The following EPHB6 variants were observed in gnomAD, a reference collection of about 807,000 sequenced individuals.
EPHB6 encodes the protein EPH receptor B6.
Under a neutral mutation model 107.0 loss-of-function variants are expected in EPHB6, and 51 were observed. The observed-to-expected ratio is 0.48, with a 90% CI of 0.38 to 0.60. EPHB6 has a LOEUF of 0.60. EPHB6 is among the 20% of genes least tolerant of loss of function. EPHB6 has a pLI of 0.00. For synonymous variants in EPHB6, 553 were observed against 549.0 expected, an observed-to-expected ratio of 1.01 and a Z score of -0.10; for missense variants, 1,141 against 1,355.5, an observed-to-expected ratio of 0.84 and a Z score of 2.48.
intron 18 of EPHB6, 59 bp from the exon 19 acceptor site, chr7:142,870,471 T>A: frequency 6.2e-7 from 1 of 1,613,906 alleles, no homozygotes; most frequent in Non-Finnish European, 8.5e-7. Flanking sequence ...TAAAGAAAAC[T>A]GAGGAGAGGG....
chr7:142,863,474 AT>A, intron 5 of EPHB6, 147 bp downstream of exon 5: 1 of 1,185,602 alleles, frequency 8.4e-7, no homozygotes, highest in Non-Finnish European at 1.3e-6. Flanking sequence ...CCCACATCAG[AT>A]TTGTCAGAGA....
At position 142,869,223 on chromosome 7, in the gene EPHB6, T is replaced by C; in HGVS notation, c.2460+76T>C. 1 of 1,544,920 alleles carries C rather than the reference T, an allele frequency of 6.5e-7. No homozygotes were observed. The highest frequency in any genetic ancestry group is 8.8e-7 in the Non-Finnish European group (1 of 1,130,300). ...GCAGGTGCTGGGGTCGGGGGTGAGCTGGAATCTGGGGTAGGTACCTCAGCC... is the reference window on the plus strand; with the variant it reads ...GCAGGTGCTGGGGTCGGGGGTGAGCCGGAATCTGGGGTAGGTACCTCAGCC... On this transcript the variant is annotated intron_variant, in intron 16 of 19. Coordinates refer to ENST00000652003, the MANE Select transcript of EPHB6 (RefSeq NM_004445.6). The surrounding 1 kb of genome is among the most constrained non-coding windows in gnomAD (Gnocchi z 4.5).
chr7:142,868,191 G>T lies in EPHB6; in HGVS notation c.1919-50G>T. 1 of 1,614,076 alleles carries T rather than the reference G, an allele frequency of 6.2e-7. No homozygotes were observed. Among genetic ancestry groups the T allele is most frequent in the Non-Finnish European group, 8.5e-7 (1 of 1,179,980 alleles). ...AAGTGGGCATGTCTGGGGTGCGCGG[G>T]CAGCCCTGCCTTTCACAACACGCTC... On this transcript the variant is annotated intron_variant, in intron 13 of 19. Coordinates refer to ENST00000652003, the MANE Select transcript of EPHB6 (RefSeq NM_004445.6). This position sits in a 1 kb window ranked among gnomAD's most constrained non-coding sequence, Gnocchi z 4.2.
rs8177155 is a variant in EPHB6, at chr7:142,867,910, G to A, written c.1866-87G>A. On this transcript the variant is annotated intron_variant, in intron 12 of 19. Coordinates refer to ENST00000652003, the MANE Select transcript of EPHB6 (RefSeq NM_004445.6). This position sits in a 1 kb window ranked among gnomAD's most constrained non-coding sequence, Gnocchi z 5.3. ...GGCTGTCGTCCCCCCTCCACAGACCGACTAAAGAGCAGTCTGGAGGGTGAC... is the reference window on the plus strand; with the variant it reads ...GGCTGTCGTCCCCCCTCCACAGACCAACTAAAGAGCAGTCTGGAGGGTGAC... 0.032 allele frequency: 49,053 copies of A among 1,535,574 alleles called. 1,725 individuals carry two copies. The highest frequency in any genetic ancestry group is 0.19 in the African/African-American group (13,487 of 72,710).
chr7:142,866,813 G>T lies in EPHB6; in HGVS notation c.1588-93G>T, dbSNP rs368324691. Reference sequence around the variant, plus strand: ...TGCAGCACTGGGCATGTGTCTGAGAGCCCTGTCAACCAGGGAGGGTGGCTG... The same window carrying T: ...TGCAGCACTGGGCATGTGTCTGAGATCCCTGTCAACCAGGGAGGGTGGCTG... On this transcript the variant is annotated intron_variant, in intron 10 of 19. Transcript: ENST00000652003. The surrounding 1 kb of genome is among the most constrained non-coding windows in gnomAD (Gnocchi z 5.2). The T allele has an allele frequency of 3.1e-6, 5 of 1,599,706 alleles. No homozygotes were observed. Among genetic ancestry groups the T allele is most frequent in the Non-Finnish European group, 4.3e-6 (5 of 1,168,154 alleles).
chr7:142,857,232 T>G (rs777143860), intron 1 of EPHB6, among the ~76,000 whole-genome samples: 2 of 152,206 alleles, frequency 1.3e-5, no homozygotes, highest in Non-Finnish European at 2.9e-5. Context: ...TCTCAGGGGC[T>G]GGAGGCCTCC....
chr7:142,870,808 C>T lies in EPHB6; in HGVS notation c.2973C>T (p.Ala991=). The T allele has an allele frequency of 6.2e-7, 1 of 1,614,198 alleles. No individual in the cohort carries two copies. Among genetic ancestry groups the T allele is most frequent in the South Asian group, 1.1e-5 (1 of 91,086 alleles). ...VAQLSLEDLP[A]LGITLAGHQK... ...CCCTCCCCACCAGAGACCTGCCTGCCCTGGGCATCACCCTGGCTGGCCACC... is the reference window on the plus strand; with the variant it reads ...CCCTCCCCACCAGAGACCTGCCTGCTCTGGGCATCACCCTGGCTGGCCACC... The change falls in exon 20 of 20, where the codon GCC becomes GCT. Residue 991 remains alanine, a synonymous_variant. Transcript: ENST00000652003.
Position 142,864,293 on chromosome 7 carries a change from CCCT to C in EPHB6, c.519_521del (p.Ser177del), listed in dbSNP as rs143667567. 1,333,237 of 1,559,796 alleles carry C rather than the reference CCCT, an allele frequency of 0.85. 572,350 individuals are homozygous for C. Among genetic ancestry groups the C allele is most frequent in the East Asian group, 0.96 (42,310 of 44,182 alleles). On this transcript the variant is annotated inframe_deletion, in exon 7 of 20. Transcript: ENST00000652003. Reference sequence around the variant, plus strand: ...CACAATTGCAGCAGACGAGAGCTTTCCCTCCTCCTCCTCCTCCTCCTCCTCCTC... The same window carrying C: ...CACAATTGCAGCAGACGAGAGCTTTCCCTCCTCCTCCTCCTCCTCCTCCTC...
chr7:142,868,912 G>A lies in EPHB6; in HGVS notation c.2287-62G>A. 1 of 1,523,686 alleles carries A rather than the reference G, an allele frequency of 6.6e-7. No individual in the cohort carries two copies. Among genetic ancestry groups the A allele is most frequent in the South Asian group, 1.1e-5 (1 of 86,990 alleles). The allele number at this position is 1,523,686 out of a possible 1,614,324, so 94.4% of individuals were successfully genotyped here. A position where few individuals can be genotyped will look rare whatever the true frequency, so the allele number is the denominator to read the frequency against. ...CTCTCATGCTGTTGTCTGCTATGCA[G>A]TATGTTGAGGTCTCCCCCTGTCTCC... On this transcript the variant is annotated intron_variant, in intron 15 of 19. Coordinates refer to ENST00000652003, the MANE Select transcript of EPHB6 (RefSeq NM_004445.6). This position sits in a 1 kb window ranked among gnomAD's most constrained non-coding sequence, Gnocchi z 4.2.
chr7:142,860,082 CA>C (rs1802776239), intron 1 of EPHB6, among the ~76,000 whole-genome samples: 1 of 152,252 alleles, frequency 6.6e-6, no homozygotes, highest in South Asian at 2.1e-4. Flanking sequence ...ATACTATCTG[CA>C]GCGCATCTTT....
Position 142,866,303 on chromosome 7 carries a change from C to T in EPHB6, c.1449C>T (p.Ser483=), listed in dbSNP as rs1263767558. ...CTCAGGCTGCAGCCATCAATGTCAG[C>T]ACCAGCCATGAAGGTGAGCTCTTTT... The part of the protein sequence containing the change: ...DPPQAAAINV[S]TSHEVPSAVP... The change falls in exon 9 of 20, where the codon AGC becomes AGT. Residue 483 remains serine, a synonymous_variant. Coordinates refer to ENST00000652003, the MANE Select transcript of EPHB6 (RefSeq NM_004445.6). The surrounding 1 kb of genome is among the most constrained non-coding windows in gnomAD (Gnocchi z 5.2). 1 of 1,614,002 alleles carries T rather than the reference C, an allele frequency of 6.2e-7. No individual in the cohort carries two copies. The highest frequency in any genetic ancestry group is 8.5e-7 in the Non-Finnish European group (1 of 1,180,026).
chr7:142,859,965 C>G (rs1345792424), intron 1 of EPHB6, among the ~76,000 whole-genome samples: 1 of 152,194 alleles, frequency 6.6e-6, no homozygotes, highest in Non-Finnish European at 1.5e-5. Flanking sequence ...TAAGGCTATG[C>G]AAGCACGCCC....
In EPHB6 at chr7:142,870,626, G is replaced by C; in HGVS notation, c.2901G>C (p.Gln967His). The C allele has an allele frequency of 6.2e-7, 1 of 1,614,254 alleles. No homozygotes were observed. The highest frequency in any genetic ancestry group is 1.7e-5 in the Admixed American group (1 of 60,030). Residue 967 changes from glutamine (Q) to histidine (H), a missense_variant, in exon 19 of 20, where the codon CAG becomes CAC. This residue lies in a region of EPHB6 where 616 missense variants were observed against 759.3 expected (regional missense o/e 0.81). Coordinates refer to ENST00000652003, the MANE Select transcript of EPHB6 (RefSeq NM_004445.6). Reference sequence around the variant, plus strand: ...CAGCCATTGGACTGGAGTGCTACCAGGACAACTTCTCCAAGTTTGGCCTCT... The same window carrying C: ...CAGCCATTGGACTGGAGTGCTACCACGACAACTTCTCCAAGTTTGGCCTCT... ...WLSAIGLECYQDNFSKFGLCT... is the reference protein window; with the variant it reads ...WLSAIGLECYHDNFSKFGLCT...
rs1563348344 is a variant in EPHB6, at chr7:142,869,362, G to C, written c.2460+215G>C. 1.3e-5 allele frequency among the ~76,000 whole-genome samples: 2 copies of C among 152,106 alleles called. No homozygotes were observed. The highest frequency in any genetic ancestry group is 2.9e-5 in the Non-Finnish European group (2 of 67,992). On this transcript the variant is annotated intron_variant, in intron 16 of 19. Coordinates refer to ENST00000652003, the MANE Select transcript of EPHB6 (RefSeq NM_004445.6). This position sits in a 1 kb window ranked among gnomAD's most constrained non-coding sequence, Gnocchi z 4.5. Reference sequence around the variant, plus strand: ...ACCGAGACAAAGGGGATGAGGGAGGGGAGGAGACCTGCAACAATCTAGAAC... The same window carrying C: ...ACCGAGACAAAGGGGATGAGGGAGGCGAGGAGACCTGCAACAATCTAGAAC...
In EPHB6 at chr7:142,870,705, G is replaced by A. The variant is rs753334037; in HGVS notation, c.2960+20G>A. ...CCTAGAGTAAGCAGGGAGTGGTGGG[G>A]TGGGGGCGAATGCTCCAGGCCCCTG... is the stretch of plus-strand genomic sequence containing the variant. On this transcript the variant is annotated intron_variant, in intron 19 of 19. Transcript: ENST00000652003. 1.9e-6 allele frequency: 3 copies of A among 1,614,238 alleles called. No homozygotes were observed. The highest frequency in any genetic ancestry group is 1.7e-5 in the Admixed American group (1 of 60,030).
In EPHB6 at chr7:142,865,502, C is replaced by T. The variant is rs1365332344; in HGVS notation, c.977C>T (p.Ser326Phe). 1 of 1,613,308 alleles carries T rather than the reference C, an allele frequency of 6.2e-7. No homozygotes were observed. The highest frequency in any genetic ancestry group is 8.5e-7 in the Non-Finnish European group (1 of 1,179,992). The change falls in exon 8 of 20, where the codon TCT becomes TTT. Residue 326 changes from serine to phenylalanine, a missense_variant. Physicochemically the swap from Ser to Phe is radical, Grantham distance 155. Coordinates refer to ENST00000652003, the MANE Select transcript of EPHB6 (RefSeq NM_004445.6). ...QACPRGLYKASAGNAPCSPCP... is the reference protein window; with the variant it reads ...QACPRGLYKAFAGNAPCSPCP... ...TGCCCACGGGGGCTCTATAAGGCTT[C>T]TGCTGGGAATGCTCCCTGCTCACCA...
intron 1 of EPHB6, among the ~76,000 whole-genome samples, chr7:142,859,887 A>C (rs1026531361): frequency 6.6e-6 from 1 of 152,126 alleles, no homozygotes; most frequent in Non-Finnish European, 1.5e-5. Flanking sequence ...CATGTTTCAT[A>C]ATTGCTTTTG....
In EPHB6 at chr7:142,867,963, G is replaced by A. The variant is rs760597835; in HGVS notation, c.1866-34G>A. On this transcript the variant is annotated intron_variant, in intron 12 of 19. Transcript: ENST00000652003. This position sits in a 1 kb window ranked among gnomAD's most constrained non-coding sequence, Gnocchi z 5.3. ...GGGGGCAGCAAGGGGGTGGAAATGGGAGCGTCATCCCCAGTCACCGTTTTG... is the reference window on the plus strand; with the variant it reads ...GGGGGCAGCAAGGGGGTGGAAATGGAAGCGTCATCCCCAGTCACCGTTTTG... 5.8e-6 allele frequency: 9 copies of A among 1,555,914 alleles called. No homozygotes were observed. Among genetic ancestry groups the A allele is most frequent in the African/African-American group, 2.7e-5 (2 of 73,262 alleles).
At position 142,867,086 on chromosome 7, in the gene EPHB6, G is replaced by A. The variant is rs781112028; in HGVS notation, c.1750+18G>A. On this transcript the variant is annotated intron_variant, in intron 11 of 19. Coordinates refer to ENST00000652003, the MANE Select transcript of EPHB6 (RefSeq NM_004445.6). The surrounding 1 kb of genome is among the most constrained non-coding windows in gnomAD (Gnocchi z 5.3). Reference sequence around the variant, plus strand: ...TCCTCAAGGTGAGCGGGGGTCAAGGGCCAGATGGGCAGGTGAAGGCCCAAG... The same window carrying A: ...TCCTCAAGGTGAGCGGGGGTCAAGGACCAGATGGGCAGGTGAAGGCCCAAG... 7.5e-6 allele frequency: 12 copies of A among 1,609,776 alleles called. No homozygotes were observed. In the East Asian group the frequency reaches 2.5e-4, roughly 33 times the overall value.
Sources: gnomAD v4.1 joint callset for allele counts (sites outside exome capture counted in the v4.1 genomes callset) on GRCh38, gnomAD v4.1.1 for gene constraint, gnomAD v4.1.1 regional missense constraint, Gnocchi (gnomAD v3.1) non-coding constraint, MANE v1.5 for transcripts, NCBI Gene and HGNC (gene_info 2026-07-23, HGNC 2026-07-21) for gene names.